The following PDE4D variants were observed in gnomAD, a reference collection of about 807,000 sequenced individuals.
The protein encoded by PDE4D is phosphodiesterase 4D, also known as 3',5'-cyclic-AMP phosphodiesterase 4D.
PDE4D carries 24 observed loss-of-function variants against 87.4 expected under a neutral mutation model. The ratio of observed to expected loss-of-function variants is 0.27; its 90% CI spans 0.20 to 0.39. The LOEUF (loss-of-function observed/expected upper bound fraction) is 0.39, where lower values mean the gene tolerates loss of function less well. Ranked by LOEUF, PDE4D falls within the 10% of genes least tolerant of loss-of-function variation. The pLI is 1.00. For synonymous variants in PDE4D, 384 were observed against 383.2 expected (o/e 1.00, Z -0.02); for missense variants, 714 against 1,041.0 (o/e 0.69, Z 4.32).
intron 1 of PDE4D, among the ~76,000 whole-genome samples, chr5:60,241,462 C>T (rs996879223): frequency 1.3e-5 from 2 of 151,714 alleles, no homozygotes; most frequent in Non-Finnish European, 2.9e-5. Flanking sequence ...TTAGTAGAGA[C>T]GTGGTTTCAC....
intron 1 of PDE4D, among the ~76,000 whole-genome samples, chr5:59,378,990 G>A (rs1562064473): frequency 6.6e-6 from 1 of 151,984 alleles, no homozygotes; most frequent in Non-Finnish European, 1.5e-5. Flanking sequence ...TTGTGTGTGT[G>A]TGTGTGTGTG....
At chr5:60,354,509 G>A (rs79642906) in intron 1 of PDE4D, among the ~76,000 whole-genome samples, 14,593 of 152,172 alleles carry the variant, frequency 0.096, 794 homozygotes, top group African/African-American at 0.14. Context: ...CTGTTTCTCC[G>A]CCAATCATAG....
intron 1 of PDE4D, among the ~76,000 whole-genome samples, chr5:59,799,721 C>T (rs1278264366): frequency 2.0e-5 from 3 of 152,174 alleles, no homozygotes; most frequent in African/African-American, 7.2e-5. Flanking sequence ...AGAGAGAAGA[C>T]ATCTATTGGA....
chr5:59,327,631 T>G lies in PDE4D; in HGVS notation c.456-111663A>C, dbSNP rs150915023. ...AACACATTTTTGCCTACTACTTTTGTGAAGACTTCTTAAATTATTTTAAAT... is the reference window on the plus strand; with the variant it reads ...AACACATTTTTGCCTACTACTTTTGGGAAGACTTCTTAAATTATTTTAAAT... On this transcript the variant is annotated intron_variant, in intron 1 of 14. Coordinates refer to ENST00000340635, the MANE Select transcript of PDE4D (RefSeq NM_001104631.2). 4.4e-3 allele frequency among the ~76,000 whole-genome samples: 674 copies of G among 152,342 alleles called. 6 individuals are homozygous for G. The highest frequency in any genetic ancestry group is 0.015 in the African/African-American group (635 of 41,582).
chr5:59,151,198 G>C (rs1471430476), intron 5 of PDE4D, among the ~76,000 whole-genome samples: 1 of 152,178 alleles, frequency 6.6e-6, no homozygotes, highest in Admixed American at 6.5e-5. Context: ...ACTATGTAAA[G>C]AAAAGATGCT....
intron 1 of PDE4D, among the ~76,000 whole-genome samples, chr5:60,211,116 C>T (rs1743161745): frequency 6.6e-6 from 1 of 152,226 alleles, no homozygotes; most frequent in Non-Finnish European, 1.5e-5. Context: ...GCTGAAATGA[C>T]AGAGGTGTCC....
chr5:59,527,999 A>G (rs1813473339), intron 1 of PDE4D, among the ~76,000 whole-genome samples: 1 of 152,178 alleles, frequency 6.6e-6, no homozygotes, highest in Non-Finnish European at 1.5e-5. Context: ...GTTGACCATC[A>G]GCCATCAACC....
intron 1 of PDE4D, among the ~76,000 whole-genome samples, chr5:60,338,650 G>A (rs1232673048): frequency 1.3e-5 from 2 of 152,110 alleles, no homozygotes; most frequent in African/African-American, 2.4e-5. Context: ...ATCCACCTTC[G>A]AGGTATGGAA....
At chr5:60,272,950 T>C (rs1303947778) in intron 1 of PDE4D, among the ~76,000 whole-genome samples, 1 of 152,228 alleles carries the variant, frequency 6.6e-6, no homozygotes, top group African/African-American at 2.4e-5. Context: ...GTTATACGAC[T>C]ACCTCAAAAC....
At chr5:59,205,639 C>G (rs1301307574) in intron 2 of PDE4D, among the ~76,000 whole-genome samples, 1 of 139,352 alleles carries the variant, frequency 7.2e-6, no homozygotes, top group African/African-American at 2.7e-5. Context: ...GTCTAATATG[C>G]TATCCACTAG....
intron 1 of PDE4D, among the ~76,000 whole-genome samples, chr5:59,665,460 T>G (rs898481641): frequency 1.3e-5 from 2 of 152,208 alleles, no homozygotes; most frequent in East Asian, 3.9e-4. Context: ...ATCCAAAAAG[T>G]GATCTAATCC....
chr5:60,265,856 A>C (rs1463228032), intron 1 of PDE4D, among the ~76,000 whole-genome samples: 1 of 152,160 alleles, frequency 6.6e-6, no homozygotes, highest in African/African-American at 2.4e-5. Context: ...TGATTCTTTG[A>C]AGCAGCCTCT....
chr5:59,406,771 A>G (rs182548155), intron 1 of PDE4D, among the ~76,000 whole-genome samples: 140 of 152,072 alleles, frequency 9.2e-4, no homozygotes, highest in African/African-American at 3.3e-3. Context: ...TTCTTACTTG[A>G]TAATTTTGTA....
At chr5:59,958,102 C>T (rs533207431) in intron 3 of PDE4D, among the ~76,000 whole-genome samples, 17 of 152,086 alleles carry the variant, frequency 1.1e-4, no homozygotes, top group African/African-American at 4.1e-4. Flanking sequence ...TTCTTTTCTC[C>T]CGATTTTTGA....
At chr5:60,348,713 T>A (rs1387244487) in intron 1 of PDE4D, among the ~76,000 whole-genome samples, 1 of 152,126 alleles carries the variant, frequency 6.6e-6, no homozygotes, top group Non-Finnish European at 1.5e-5. Context: ...TTACAAAAAT[T>A]ATTTAAGGAA....
rs1745538034 is a variant in PDE4D, at chr5:60,229,368, T to C, written c.-89-43681A>G. Among the ~76,000 whole-genome samples the C allele has an allele frequency of 2.0e-5, 3 of 152,174 alleles. 1 individual carries two copies. The highest frequency in any genetic ancestry group is 4.8e-5 in the African/African-American group (2 of 41,458). ...TCATTCCTCTCACAAGGTTAACATA[T>C]CTATTTTTCTTATAAAGCATTGTTT... On this transcript the variant is annotated intron_variant, in intron 1 of 16. Coordinates refer to the PDE4D transcript ENST00000502484.
chr5:59,795,523 T>C (rs1447062383), intron 1 of PDE4D, among the ~76,000 whole-genome samples: 1 of 152,312 alleles, frequency 6.6e-6, no homozygotes, highest in East Asian at 1.9e-4. Context: ...ATTAAATAAA[T>C]TACAGCCATT....
At chr5:59,891,786 C>G (rs2152754655) in intron 1 of PDE4D, among the ~76,000 whole-genome samples, 1 of 104,264 alleles carries the variant, frequency 9.6e-6, no homozygotes, top group East Asian at 2.0e-4. Context: ...GAGAGACATG[C>G]TCACACACAC....
intron 1 of PDE4D, among the ~76,000 whole-genome samples, chr5:59,764,016 T>A (rs1167411129): frequency 6.6e-6 from 1 of 152,110 alleles, no homozygotes; most frequent in Non-Finnish European, 1.5e-5. Flanking sequence ...AACCAGGAAT[T>A]TGAAAGATGT....
Sources: gnomAD v4.1 joint callset for allele counts (sites outside exome capture counted in the v4.1 genomes callset) on GRCh38, gnomAD v4.1.1 for gene constraint, MANE v1.5 for transcripts, NCBI Gene and HGNC (gene_info 2026-07-23, HGNC 2026-07-21) for gene names.